The following SEMA3G variants were observed in gnomAD, a reference collection of about 807,000 sequenced individuals.
SEMA3G encodes the protein semaphorin-3G.
A neutral mutation model predicts 86.2 loss-of-function variants in SEMA3G; 70 were observed. The ratio of observed to expected loss-of-function variants is 0.81; its 90% CI spans 0.67 to 0.99. The LOEUF is 0.99. Ranked by LOEUF, SEMA3G falls within the 50% of genes least tolerant of loss-of-function variation. The probability of loss-of-function intolerance (pLI) is 0.00; values close to 1 mark genes in which losing one functional copy is unlikely to be tolerated. For synonymous variants in SEMA3G, 416 were observed against 441.4 expected, an observed-to-expected ratio of 0.94 and a Z score of 0.72; for missense variants, 1,002 against 1,072.4, an observed-to-expected ratio of 0.93 and a Z score of 0.92.
intron 5 of SEMA3G, 60 bp from the exon 6 acceptor site, chr3:52,441,750 C>A: frequency 6.3e-7 from 1 of 1,589,310 alleles, no homozygotes; most frequent in Non-Finnish European, 8.6e-7. Context: ...CAGCCGGGTC[C>A]CTCCCTTCCC....
chr3:52,435,773 C>A lies in SEMA3G; in HGVS notation c.2179G>T (p.Glu727Ter). The A allele has an allele frequency of 6.2e-7, 1 of 1,614,150 alleles. No individual in the cohort carries two copies. The highest frequency in any genetic ancestry group is 8.5e-7 in the Non-Finnish European group (1 of 1,180,034). ...ANLPRVDEYC[E>*]RVWCRGTTEC... ...GTGGTGCCCCTGCACCACACGCGCT[C>A]ACAGTACTCATCCACCCGGGGCAGG... is the stretch of plus-strand genomic sequence containing the variant. The change falls in exon 16 of 16, where the codon GAG becomes TAG. Residue 727 changes from glutamate (E) to a stop codon, truncating the protein, a stop_gained. Transcript: ENST00000231721. LOFTEE classifies it high-confidence loss of function.
intron 1 of SEMA3G, among the ~76,000 whole-genome samples, chr3:52,443,342 GAGGGGA>G (rs1706197602): frequency 2.0e-5 from 3 of 152,338 alleles, no homozygotes; most frequent in Non-Finnish European, 4.4e-5. Flanking sequence ...GTTCCCAGCA[GAGGGGA>G]CCCCTGGCAA....
In SEMA3G at chr3:52,438,133, CGTAA is replaced by C; in HGVS notation, c.1572_1575del (p.Tyr525AlafsTer102). The C allele has an allele frequency of 1.2e-6, 2 of 1,613,242 alleles. No homozygotes were observed. Among genetic ancestry groups the C allele is most frequent in the Non-Finnish European group, 1.7e-6 (2 of 1,180,020 alleles). ...AGGCAGCACTCTGCACAGGCAGTGC[CGTAA>C]GTCTCACATTGGTGCAGCCGCAGCT... On this transcript the variant is annotated frameshift_variant, in exon 14 of 16. Coordinates refer to ENST00000231721, the MANE Select transcript of SEMA3G (RefSeq NM_020163.3). LOFTEE classifies it high-confidence loss of function.
rs1706069887 is a variant in SEMA3G at position 52,437,616 on chromosome 3, T to C, written c.1789A>G (p.Asn597Asp). ...GGCAGGCACTCCAGGAAGGTGCTAT[T>C]GTGCTCCGTGCCGTAGACCATGGTG... ...AATMVYGTEH[N>D]STFLECLPKS... Residue 597 changes from asparagine (N) to aspartate (D), a missense_variant, in exon 15 of 16, where the codon AAT (asparagine) becomes GAT (aspartate). Physicochemically the swap from Asn to Asp is conservative, Grantham distance 23. Transcript: ENST00000231721. 1 of 1,613,096 alleles carries C rather than the reference T, an allele frequency of 6.2e-7. No individual in the cohort carries two copies. The highest frequency in any genetic ancestry group is 8.5e-7 in the Non-Finnish European group (1 of 1,179,952).
rs1353250707 is a variant in SEMA3G at position 52,438,100 on chromosome 3, C to T, written c.1609G>A (p.Asp537Asn). Residue 537 changes from aspartate to asparagine, a missense_variant, in exon 14 of 16, where the codon GAC becomes AAC. By Grantham distance (23) the Asp-to-Asn change is conservative (BLOSUM62 1). Coordinates refer to ENST00000231721, the MANE Select transcript of SEMA3G (RefSeq NM_020163.3). ...GCACCATCCCAGGCACAGTATGGGT[C>T]CCGGGCCAGGCAGCACTCTGCACAG... is the stretch of plus-strand genomic sequence containing the variant. Reference protein sequence around the residue: ...TACAECCLARDPYCAWDGASC... With the variant: ...TACAECCLARNPYCAWDGASC... 1 of 1,613,244 alleles carries T rather than the reference C, an allele frequency of 6.2e-7. No individual in the cohort carries two copies. The highest frequency in any genetic ancestry group is 1.7e-5 in the Admixed American group (1 of 60,024).
rs910866467 is a variant in SEMA3G, at chr3:52,441,597, T to C, written c.644A>G (p.Asp215Gly). ...ACCGTGCAAGAGACTCTGGTCAGAG[T>C]CGGAACGCAGAGCTGGCCGAGGACC... ...SGGPRPALRS[D>G]SDQSLLHDPR... The change falls in exon 6 of 16, where the codon GAC (aspartate) becomes GGC (glycine). Residue 215 changes from aspartate to glycine, a missense_variant. By Grantham distance (94) the Asp-to-Gly change is moderately conservative. Coordinates refer to ENST00000231721, the MANE Select transcript of SEMA3G (RefSeq NM_020163.3). The C allele has an allele frequency of 9.3e-6, 15 of 1,613,176 alleles. No individual in the cohort carries two copies. The highest frequency in any genetic ancestry group is 1.2e-5 in the Non-Finnish European group (14 of 1,179,840).
At chr3:52,441,102 C>T in intron 7 of SEMA3G, 54 bp from the exon 8 acceptor site, 2 of 1,493,616 alleles carry the variant, frequency 1.3e-6, no homozygotes, top group Non-Finnish European at 1.8e-6. Flanking sequence ...TGGGTCCCAC[C>T]ATCCACTCTT....
intron 1 of SEMA3G, chr3:52,443,210 C>A: frequency 2.0e-6 from 1 of 509,972 alleles, no homozygotes; most frequent in South Asian, 1.9e-5. Context: ...CCTACCCAGT[C>A]CCCAGGGAAG....
rs781224605 is a variant in SEMA3G, at chr3:52,438,221, G to C, written c.1510-22C>G. On this transcript the variant is annotated intron_variant, in intron 13 of 15. Coordinates refer to ENST00000231721, the MANE Select transcript of SEMA3G (RefSeq NM_020163.3). ...TTTGCTGGGGAGGGACAGAAGCAGA[G>C]CCTGAGGTGAGCCCAGGCTTCGCCC... The C allele has an allele frequency of 1.5e-4, 232 of 1,598,562 alleles. 1 individual carries two copies. The highest frequency in any genetic ancestry group is 3.1e-5 in the Non-Finnish European group (36 of 1,170,384).
intron 13 of SEMA3G, 42 bp downstream of exon 13, chr3:52,438,878 G>A: frequency 6.2e-7 from 1 of 1,610,740 alleles, no homozygotes. Flanking sequence ...GCGGAGCAGG[G>A]GCAGAAGGGG....
Position 52,440,467 on chromosome 3 carries a change from C to T in SEMA3G, c.1053G>A (p.Glu351=), listed in dbSNP as rs771681829. 1.2e-6 allele frequency: 2 copies of T among 1,611,542 alleles called. No individual in the cohort carries two copies. Among genetic ancestry groups the T allele is most frequent in the Non-Finnish European group, 1.7e-6 (2 of 1,179,422 alleles). ...GGTGGGCAAAGGGCCCGTTGAAAAC[C>T]TCCCAGATGTCTGCCATGTGGTACA... ...VCVYHMADIW[E]VFNGPFAHRD... The change falls in exon 10 of 16, where the codon GAG becomes GAA. Residue 351 remains glutamate, a synonymous_variant. Coordinates refer to ENST00000231721, the MANE Select transcript of SEMA3G (RefSeq NM_020163.3).
In SEMA3G at chr3:52,442,518, G is replaced by T. The variant is rs115943162; in HGVS notation, c.339+41C>A. Reference sequence around the variant, plus strand: ...ACGGATTGTCCTGGGGGTCAGGGCAGGGTGTCAGGTCGGGGGACCATCCCT... The same window carrying T: ...ACGGATTGTCCTGGGGGTCAGGGCATGGTGTCAGGTCGGGGGACCATCCCT... On this transcript the variant is annotated intron_variant, in intron 3 of 15. Coordinates refer to ENST00000231721, the MANE Select transcript of SEMA3G (RefSeq NM_020163.3). This position sits in a 1 kb window ranked among gnomAD's most constrained non-coding sequence, Gnocchi z 6.1. The T allele has an allele frequency of 1.7e-3, 2,750 of 1,606,614 alleles. 45 individuals carry two copies. The African/African-American group carries it at 0.032, about 19-fold the overall frequency.
intron 15 of SEMA3G, among the ~76,000 whole-genome samples, chr3:52,437,066 G>A (rs1481294660): frequency 1.3e-5 from 2 of 152,202 alleles, no homozygotes; most frequent in Non-Finnish European, 2.9e-5. Context: ...GGCTTTGAGG[G>A]TGGAGGGCAA....
At chr3:52,440,595 C>T in intron 9 of SEMA3G, 74 bp from the exon 10 acceptor site, 2 of 1,534,834 alleles carry the variant, frequency 1.3e-6, no homozygotes, top group Non-Finnish European at 1.8e-6. Context: ...GTTCCATGGG[C>T]AGGACAGAGG....
rs1159374448 is a variant in SEMA3G, at chr3:52,440,518, G to A, written c.1002C>T (p.Ala334=). 10 of 1,607,668 alleles carry A rather than the reference G, an allele frequency of 6.2e-6. No individual in the cohort carries two copies. In the Admixed American group the frequency reaches 6.8e-5, roughly 11 times the overall value. ...EVYALFSTVS[A]VFQGFAVCVY... The stretch of plus-strand genomic sequence containing the variant: ...CACAGACGGCGAAGCCCTGGAACAC[G>A]GCACTGCCGGGGCACATGGGACAGT... The change falls in exon 10 of 16, where the codon GCC becomes GCT. Residue 334 remains alanine (A), a synonymous_variant. Coordinates refer to ENST00000231721, the MANE Select transcript of SEMA3G (RefSeq NM_020163.3).
At position 52,441,861 on chromosome 3, in the gene SEMA3G, A is replaced by C. The variant is rs1312888651; in HGVS notation, c.508T>G (p.Cys170Gly). ...AAGGGACGGCTGGGCTCGTGAGGGC[A>C]CCGCCCCCGGCCACTTTCCACACTG... ...PGSVESGRGRCPHEPSRPFAS... is the reference protein window; with the variant it reads ...PGSVESGRGRGPHEPSRPFAS... The change falls in exon 5 of 16, where the codon TGC (cysteine) becomes GGC (glycine). Residue 170 changes from cysteine to glycine, a missense_variant. Cys to Gly is a radical substitution (Grantham distance 159). Coordinates refer to ENST00000231721, the MANE Select transcript of SEMA3G (RefSeq NM_020163.3). 9 of 1,594,646 alleles carry C rather than the reference A, an allele frequency of 5.6e-6. No homozygotes were observed. Among genetic ancestry groups the C allele is most frequent in the Non-Finnish European group, 7.7e-6 (9 of 1,170,770 alleles).
At position 52,444,935 on chromosome 3, in the gene SEMA3G, G is replaced by C; in HGVS notation, c.93C>G (p.Pro31=). The change falls in exon 1 of 16, where the codon CCC becomes CCG. Residue 31 remains proline (P), a synonymous_variant. Transcript: ENST00000231721. The part of the protein sequence containing the change: ...SSGPSPGPSV[P]RLRLSYRDLL... The stretch of plus-strand genomic sequence containing the variant: ...TACCTCGGTAGGAGAGCCGCAGGCG[G>C]GGCACACTGGGGCCGGGGCTGGGGC... 1 of 1,304,146 alleles carries C rather than the reference G, an allele frequency of 7.7e-7. No homozygotes were observed. The highest frequency in any genetic ancestry group is 2.5e-5 in the South Asian group (1 of 39,476). 80.8% of individuals were successfully genotyped at this position (1,304,146 alleles called of 1,614,324 possible). A position where few individuals can be genotyped will look rare whatever the true frequency, so the allele number is the denominator to read the frequency against.
Position 52,441,637 on chromosome 3 carries a change from T to A in SEMA3G, c.604A>T (p.Ile202Phe). The A allele has an allele frequency of 1.2e-6, 2 of 1,613,708 alleles. No individual in the cohort carries two copies. The highest frequency in any genetic ancestry group is 8.5e-7 in the Non-Finnish European group (1 of 1,180,000). ...GGCCGAGGACCTCCACTTCGGAAGA[T>A]CATGGCCTCTCGCCCCAGGAAGTCA... is the stretch of plus-strand genomic sequence containing the variant. ...TADFLGREAM[I>F]FRSGGPRPAL... is the part of the protein sequence containing the mutation. Residue 202 changes from isoleucine (I) to phenylalanine (F), a missense_variant, in exon 6 of 16, where the codon ATC becomes TTC. Ile to Phe is a conservative substitution (Grantham distance 21, BLOSUM62 0). Coordinates refer to ENST00000231721, the MANE Select transcript of SEMA3G (RefSeq NM_020163.3).
chr3:52,441,073 C>T (rs368354927), intron 7 of SEMA3G, 25 bp from the exon 8 acceptor site: 943 of 1,554,736 alleles, frequency 6.1e-4, no homozygotes, highest in Non-Finnish European at 7.8e-4. Context: ...GCCAGAGTCA[C>T]GCTTGGGCCC....
Sources: gnomAD v4.1 joint callset for allele counts (sites outside exome capture counted in the v4.1 genomes callset) on GRCh38, gnomAD v4.1.1 for gene constraint, Gnocchi (gnomAD v3.1) non-coding constraint, MANE v1.5 for transcripts, NCBI Gene and HGNC (gene_info 2026-07-23, HGNC 2026-07-21) for gene names.